CAPN5: variants seen among roughly 807,000 people sequenced by gnomAD.
CAPN5 encodes the protein calpain-5.
A neutral mutation model predicts 73.0 loss-of-function variants in CAPN5; 54 were observed. The observed-to-expected ratio is 0.74, with a 90% CI of 0.59 to 0.93. The LOEUF (loss-of-function observed/expected upper bound fraction) is 0.93, where lower values mean the gene tolerates loss of function less well. CAPN5 is among the 40% of genes least tolerant of loss of function. CAPN5 has a pLI of 0.00. For missense variants in CAPN5, 785 were observed against 882.9 expected, an observed-to-expected ratio of 0.89 and a Z score of 1.41; for synonymous variants, 335 against 356.9, an observed-to-expected ratio of 0.94 and a Z score of 0.69.
At chr11:77,120,452 C>T in intron 9 of CAPN5, 1 of 413,218 alleles carries the variant, frequency 2.4e-6, no homozygotes. Flanking sequence ...ATGCAACCAT[C>T]ACCACAATCA....
chr11:77,100,747 C>T (rs1950275429), intron 3 of CAPN5, among the ~76,000 whole-genome samples: 1 of 152,230 alleles, frequency 6.6e-6, no homozygotes, highest in Non-Finnish European at 1.5e-5. Flanking sequence ...TTGGTTCCTG[C>T]CATTTTCCAG....
At chr11:77,090,983 G>A (rs1256880685) in intron 2 of CAPN5, among the ~76,000 whole-genome samples, 2 of 152,190 alleles carry the variant, frequency 1.3e-5, no homozygotes, top group Non-Finnish European at 2.9e-5. Flanking sequence ...TCCTAGACCT[G>A]TGCTCTGCAG....
intron 1 of CAPN5, among the ~76,000 whole-genome samples, chr11:77,069,382 GAGA>G (rs1949878865): frequency 6.6e-6 from 1 of 152,136 alleles, no homozygotes; most frequent in Non-Finnish European, 1.5e-5. Context: ...CTGACTTTGG[GAGA>G]AGAAGGGTGG....
chr11:77,112,371 G>A lies in CAPN5; in HGVS notation c.298-218G>A, dbSNP rs547503203. 9.9e-5 allele frequency among the ~76,000 whole-genome samples: 15 copies of A among 152,258 alleles called. No homozygotes were observed. The South Asian group carries it at 2.1e-3, about 21-fold the overall frequency. On this transcript the variant is annotated intron_variant, in intron 3 of 12. Coordinates refer to ENST00000648180, the MANE Select transcript of CAPN5 (RefSeq NM_004055.5). The stretch of plus-strand genomic sequence containing the variant: ...ACACTCTGAGAACAACAGCTGGAAG[G>A]AGGCCGAGGGAGCCTCCAAGCCTCG...
At chr11:77,068,076 G>T (rs1289285998) in intron 1 of CAPN5, among the ~76,000 whole-genome samples, 1 of 152,166 alleles carries the variant, frequency 6.6e-6, no homozygotes, top group Non-Finnish European at 1.5e-5. Context: ...GAAGAGAGGG[G>T]CTTACGGGTG....
At chr11:77,072,509 C>G (rs1355562910) in intron 1 of CAPN5, among the ~76,000 whole-genome samples, 1 of 152,182 alleles carries the variant, frequency 6.6e-6, no homozygotes, top group Non-Finnish European at 1.5e-5. Context: ...GAGCAGGACA[C>G]CCAGGGCTGG....
In CAPN5 at chr11:77,084,839, C is replaced by T. The variant is rs570933382; in HGVS notation, c.-35-13C>T. 6.8e-6 allele frequency: 11 copies of T among 1,612,272 alleles called. No individual in the cohort carries two copies. Among genetic ancestry groups the T allele is most frequent in the Non-Finnish European group, 9.3e-6 (11 of 1,179,098 alleles). On this transcript the variant is annotated splice_polypyrimidine_tract_variant and intron_variant, in intron 1 of 12. Transcript: ENST00000648180. Reference sequence around the variant, plus strand: ...GACTCTGTGAGTGACCGTCTTCTTGCCTTCCTGTCCAGGTGTTCCCCCTCC... The same window carrying T: ...GACTCTGTGAGTGACCGTCTTCTTGTCTTCCTGTCCAGGTGTTCCCCCTCC...
At chr11:77,077,753 G>C (rs1222744516) in intron 1 of CAPN5, among the ~76,000 whole-genome samples, 2 of 152,098 alleles carry the variant, frequency 1.3e-5, no homozygotes, top group Non-Finnish European at 2.9e-5. Flanking sequence ...GACCTTAGGT[G>C]ATCCACCTGC....
intron 3 of CAPN5, chr11:77,103,409 T>G: frequency 8.0e-6 from 12 of 1,507,896 alleles, no homozygotes; most frequent in Non-Finnish European, 9.8e-6. Context: ...CCTGTATTTT[T>G]GGGGCCATTA....
rs1478683616 is a variant in CAPN5 at position 77,114,430 on chromosome 11, T to A, written c.695T>A (p.Ile232Asn). ...CGGGGCGGCCTCATCAGTGCCTCCA[T>A]CAAGGTGAGAACACGGCAGTCCCCA... ...HSRGGLISAS[I>N]KAVTAADMEA... Residue 232 changes from isoleucine (I) to asparagine (N), a missense_variant, in exon 5 of 13, where the codon ATC becomes AAC. Transcript: ENST00000648180. 1 of 1,613,886 alleles carries A rather than the reference T, an allele frequency of 6.2e-7. No individual in the cohort carries two copies. Among genetic ancestry groups the A allele is most frequent in the African/African-American group, 1.3e-5 (1 of 74,904 alleles).
chr11:77,090,881 G>T (rs1950141686), intron 2 of CAPN5, among the ~76,000 whole-genome samples: 1 of 152,216 alleles, frequency 6.6e-6, no homozygotes, highest in Non-Finnish European at 1.5e-5. Flanking sequence ...CAGGAGGGCA[G>T]CGGGGAGGAG....
chr11:77,122,032 T>C lies in CAPN5; in HGVS notation c.1586T>C (p.Leu529Pro). 6.4e-7 allele frequency: 1 copy of C among 1,554,176 alleles called. No individual in the cohort carries two copies. The highest frequency in any genetic ancestry group is 8.7e-7 in the Non-Finnish European group (1 of 1,148,766). The change falls in exon 11 of 13, where the codon CTC (leucine) becomes CCC (proline). Residue 529 changes from leucine to proline, a missense_variant. Physicochemically the swap from Leu to Pro is moderately conservative, Grantham distance 98. Transcript: ENST00000648180. ...TQVHVLGAAGLKDSPTGANSY... is the reference protein window; with the variant it reads ...TQVHVLGAAGPKDSPTGANSY... ...GTACATGTCCTGGGAGCTGCTGGCC[T>C]CAAGGACTCCCCAACAGGTGAGCTC...
intron 3 of CAPN5, among the ~76,000 whole-genome samples, chr11:77,108,522 G>T (rs1313999096): frequency 6.6e-6 from 1 of 152,162 alleles, no homozygotes; most frequent in Non-Finnish European, 1.5e-5. Flanking sequence ...TGCCGGGCCA[G>T]GTGGCTGGTG....
At chr11:77,103,182 A>C (rs781797541) in intron 3 of CAPN5, 2 of 1,613,792 alleles carry the variant, frequency 1.2e-6, no homozygotes, top group Non-Finnish European at 1.7e-6. Flanking sequence ...CTCGGATGCC[A>C]TAGATTGGAA....
In CAPN5 at chr11:77,126,129, T is replaced by C. The variant is rs1555043842; in HGVS notation, c.*2259T>C. On this transcript the variant is annotated 3_prime_UTR_variant, in exon 13 of 13. Coordinates refer to ENST00000648180, the MANE Select transcript of CAPN5 (RefSeq NM_004055.5). ...AGGGGACAGGAAGCCTGTTCTATTC[T>C]CAATAAATCTTACAAAATTCCAAAA... 1 of 152,188 alleles carries C rather than the reference T, an allele frequency of 6.6e-6. No homozygotes were observed. The highest frequency in any genetic ancestry group is 1.9e-4 in the East Asian group (1 of 5,176). 9.4% of individuals were successfully genotyped at this position (152,188 alleles called of 1,614,324 possible).
intron 1 of CAPN5, among the ~76,000 whole-genome samples, chr11:77,082,572 A>C (rs1950038837): frequency 6.6e-6 from 1 of 152,112 alleles, no homozygotes; most frequent in African/African-American, 2.4e-5. Flanking sequence ...GGCCGGGGCC[A>C]GAAGAACCTC....
chr11:77,092,325 C>T (rs531772251), intron 2 of CAPN5, among the ~76,000 whole-genome samples: 49 of 152,366 alleles, frequency 3.2e-4, no homozygotes, highest in African/African-American at 7.2e-5. Context: ...GCCAGATTGC[C>T]GATTGAGGAG....
intron 3 of CAPN5, among the ~76,000 whole-genome samples, chr11:77,102,193 TGA>T (rs1555038985): frequency 6.6e-6 from 1 of 152,010 alleles, no homozygotes; most frequent in Non-Finnish European, 1.5e-5. Context: ...CGGGTCTGGG[TGA>T]GAGATACGGT....
intron 3 of CAPN5, among the ~76,000 whole-genome samples, chr11:77,106,513 C>T (rs1328977059): frequency 6.6e-6 from 1 of 152,056 alleles, no homozygotes; most frequent in Non-Finnish European, 1.5e-5. Flanking sequence ...GTGTGGTGAG[C>T]GACCTAGCCA....
Sources: allele counts gnomAD v4.1 joint callset (sites outside exome capture counted in the v4.1 genomes callset), GRCh38; gene constraint gnomAD v4.1.1; transcripts MANE v1.5; gene names NCBI Gene and HGNC (gene_info 2026-07-23, HGNC 2026-07-21).